The following SH3PXD2A variants were observed in gnomAD, a reference collection of about 807,000 sequenced individuals.
SH3PXD2A encodes the protein SH3 and PX domain-containing protein 2A.
A neutral mutation model predicts 115.2 loss-of-function variants in SH3PXD2A; 32 were observed. That is an observed-to-expected ratio of 0.28 (90% CI 0.21 to 0.37). The LOEUF (loss-of-function observed/expected upper bound fraction) is 0.37. Ranked by LOEUF, SH3PXD2A falls within the 10% of genes least tolerant of loss-of-function variation. SH3PXD2A has a pLI of 1.00. For missense variants in SH3PXD2A, 1,328 were observed against 1,498.7 expected (o/e 0.89, Z 1.88); for synonymous variants, 610 against 629.1 (o/e 0.97, Z 0.45).
Position 103,777,431 on chromosome 10 carries a change from C to T in SH3PXD2A, c.154-10262G>A, listed in dbSNP as rs547112532. On this transcript the variant is annotated intron_variant, in intron 2 of 14. Transcript: ENST00000369774. ...GGCCCCAGGGGAGCTGCCCAGCTGG[C>T]GTGCGTGGGCCAGGGTTGGGGAGGA... 5.3e-5 allele frequency among the ~76,000 whole-genome samples: 8 copies of T among 152,220 alleles called. No homozygotes were observed. The East Asian group carries it at 5.8e-4, about 11-fold the overall frequency.
rs1437079871 is a variant in SH3PXD2A, at chr10:103,756,701, C to G, written c.229+10393G>C. On this transcript the variant is annotated intron_variant, in intron 3 of 14. Coordinates refer to ENST00000369774, the MANE Select transcript of SH3PXD2A (RefSeq NM_001394015.1). This position sits in a 1 kb window ranked among gnomAD's most constrained non-coding sequence, Gnocchi z 4.4. Reference sequence around the variant, plus strand: ...ACTCCTTCTGCCATCTTGGCCAGGGCTGCCCAGACAGAGCTATGGGCAGTC... The same window carrying G: ...ACTCCTTCTGCCATCTTGGCCAGGGGTGCCCAGACAGAGCTATGGGCAGTC... 6.6e-6 allele frequency among the ~76,000 whole-genome samples: 1 copy of G among 152,166 alleles called. No individual in the cohort carries two copies. The highest frequency in any genetic ancestry group is 6.5e-5 in the Admixed American group (1 of 15,284).
chr10:103,716,930 C>T (rs1214846443), intron 5 of SH3PXD2A, among the ~76,000 whole-genome samples: 1 of 152,220 alleles, frequency 6.6e-6, no homozygotes, highest in African/African-American at 2.4e-5. Flanking sequence ...TGCTGCTGTG[C>T]GCTTCCACCC....
At chr10:103,643,714 G>A (rs771698984) in intron 8 of SH3PXD2A, among the ~76,000 whole-genome samples, 2 of 152,322 alleles carry the variant, frequency 1.3e-5, no homozygotes, top group Non-Finnish European at 2.9e-5. Context: ...AACTTCTCAT[G>A]ACGAGATTCA....
At position 103,713,948 on chromosome 10, in the gene SH3PXD2A, G is replaced by A. The variant is rs116174518; in HGVS notation, c.398+10322C>T. 8.2e-3 allele frequency among the ~76,000 whole-genome samples: 1,254 copies of A among 152,214 alleles called. 16 individuals carry two copies. The highest frequency in any genetic ancestry group is 0.029 in the African/African-American group (1,188 of 41,512). On this transcript the variant is annotated intron_variant, in intron 5 of 14. Coordinates refer to ENST00000369774, the MANE Select transcript of SH3PXD2A (RefSeq NM_001394015.1). The stretch of plus-strand genomic sequence containing the variant: ...GGGACTGAGCTACTTCTGAAGTCCC[G>A]GGCCTCACATAGAGATGATCTAGAA...
At chr10:103,776,425 C>CGTGT (rs1467993816) in intron 2 of SH3PXD2A, among the ~76,000 whole-genome samples, 2 of 112,102 alleles carry the variant, frequency 1.8e-5, no homozygotes, top group Admixed American at 1.9e-4. Flanking sequence ...TGTGTGCATG[C>CGTGT]GTGTGTGTGT....
At chr10:103,608,839 T>C (rs1407745941) in intron 13 of SH3PXD2A, 1 of 152,126 alleles carries the variant, frequency 6.6e-6, no homozygotes, top group Non-Finnish European at 1.5e-5. Flanking sequence ...GATGCCTCAA[T>C]AGCTGAATCT....
At chr10:103,847,107 G>A (rs556933999) in intron 1 of SH3PXD2A, among the ~76,000 whole-genome samples, 1 of 152,298 alleles carries the variant, frequency 6.6e-6, no homozygotes, top group East Asian at 1.9e-4. Context: ...TGGGAGTGTG[G>A]TAGAGGTCAA....
Position 103,603,091 on chromosome 10 carries a change from A to G in SH3PXD2A, c.2127T>C (p.Ser709=). 6.2e-7 allele frequency: 1 copy of G among 1,613,176 alleles called. No individual in the cohort carries two copies. The highest frequency in any genetic ancestry group is 8.5e-7 in the Non-Finnish European group (1 of 1,179,908). The change falls in exon 15 of 15, where the codon TCT becomes TCC. Residue 709 remains serine, a synonymous_variant. Transcript: ENST00000369774. ...GGTCGCCACTGGTTTTGGACAAGGAAGAGGAGGAGGAGGAAGAGGAGGAGC... is the reference window on the plus strand; with the variant it reads ...GGTCGCCACTGGTTTTGGACAAGGAGGAGGAGGAGGAGGAAGAGGAGGAGC... The part of the protein sequence containing the change: ...TCCSSSSSSS[S]SLSKTSGDLK...
chr10:103,646,537 C>T (rs1005023578), intron 8 of SH3PXD2A, among the ~76,000 whole-genome samples: 5 of 152,124 alleles, frequency 3.3e-5, no homozygotes, highest in African/African-American at 1.2e-4. Context: ...ATCTCTGGTG[C>T]CTCCCACCCC....
At position 103,602,985 on chromosome 10, in the gene SH3PXD2A, C is replaced by T. The variant is rs1409401302; in HGVS notation, c.2233G>A (p.Gly745Arg). The T allele has an allele frequency of 6.2e-7, 1 of 1,614,078 alleles. No individual in the cohort carries two copies. The highest frequency in any genetic ancestry group is 1.3e-5 in the African/African-American group (1 of 74,932). The change falls in exon 15 of 15, where the codon GGG becomes AGG. Residue 745 changes from glycine (G) to arginine (R), a missense_variant. Around this residue, in one of 5 missense-constraint regions of SH3PXD2A, gnomAD observed 574 missense variants for 565.7 expected, o/e 1.01. Transcript: ENST00000369774. ...RAKKDADANA[G>R]LTSCPRAKPS... ...TTGGCCCGGGGACAGGAGGTCAGCCCAGCGTTCGCATCAGCATCCTTCTTT... is the reference window on the plus strand; with the variant it reads ...TTGGCCCGGGGACAGGAGGTCAGCCTAGCGTTCGCATCAGCATCCTTCTTT...
intron 2 of SH3PXD2A, among the ~76,000 whole-genome samples, chr10:103,791,791 A>G (rs572092846): frequency 2.0e-5 from 3 of 152,160 alleles, no homozygotes; most frequent in East Asian, 1.9e-4. Context: ...TGCAAACTCC[A>G]TCTGCTTAAA....
At chr10:103,706,690 T>C (rs996627451) in intron 5 of SH3PXD2A, among the ~76,000 whole-genome samples, 4 of 152,178 alleles carry the variant, frequency 2.6e-5, no homozygotes, top group Non-Finnish European at 4.4e-5. Flanking sequence ...GGCTGCCGGA[T>C]GGTCTCAAGA....
At chr10:103,709,481 T>C (rs1387860143) in intron 5 of SH3PXD2A, among the ~76,000 whole-genome samples, 1 of 152,182 alleles carries the variant, frequency 6.6e-6, no homozygotes, top group African/African-American at 2.4e-5. Context: ...GAGAGGCTGC[T>C]CCGATGACTC....
intron 3 of SH3PXD2A, among the ~76,000 whole-genome samples, chr10:103,745,166 A>G (rs1394961885): frequency 6.6e-6 from 1 of 152,218 alleles, no homozygotes; most frequent in Non-Finnish European, 1.5e-5. Flanking sequence ...ATCTTTATGT[A>G]TCTCTGTTAC....
chr10:103,812,385 C>T (rs1337794297), intron 1 of SH3PXD2A, among the ~76,000 whole-genome samples: 2 of 152,180 alleles, frequency 1.3e-5, no homozygotes, highest in Admixed American at 1.3e-4. Flanking sequence ...CCCAGACATT[C>T]AGGAGCCAGA....
intron 3 of SH3PXD2A, among the ~76,000 whole-genome samples, chr10:103,745,156 A>G (rs969923357): frequency 5.9e-5 from 9 of 152,222 alleles, no homozygotes; most frequent in African/African-American, 2.2e-4. Flanking sequence ...GCTAGGAAGC[A>G]TCTTTATGTA....
chr10:103,779,498 T>G (rs956427296), intron 2 of SH3PXD2A, among the ~76,000 whole-genome samples: 4 of 151,854 alleles, frequency 2.6e-5, no homozygotes, highest in Non-Finnish European at 5.9e-5. Context: ...CATGGGGCAG[T>G]GTGAGGGGCA....
At chr10:103,770,235 G>A (rs886679425) in intron 2 of SH3PXD2A, among the ~76,000 whole-genome samples, 1 of 152,096 alleles carries the variant, frequency 6.6e-6, no homozygotes, top group Non-Finnish European at 1.5e-5. Context: ...AAGAGACCAG[G>A]TCTCACTCTG....
chr10:103,828,072 C>A (rs951491628), intron 1 of SH3PXD2A, among the ~76,000 whole-genome samples: 1 of 152,218 alleles, frequency 6.6e-6, no homozygotes, highest in Non-Finnish European at 1.5e-5. Context: ...GGCAGGGGCA[C>A]TGGCACATCT....
Sources: allele counts gnomAD v4.1 joint callset (sites outside exome capture counted in the v4.1 genomes callset), GRCh38; gene constraint gnomAD v4.1.1; regional missense constraint gnomAD v4.1.1; non-coding constraint Gnocchi (gnomAD v3.1); transcripts MANE v1.5; gene names NCBI Gene and HGNC (gene_info 2026-07-23, HGNC 2026-07-21).